Variants in TEX36 observed in about 807,000 individuals in gnomAD.
The protein encoded by TEX36 is testis-expressed protein 36.
TEX36 carries 12 observed loss-of-function variants against 13.6 expected under a neutral mutation model. The ratio of observed to expected loss-of-function variants is 0.88; its 90% CI spans 0.56 to 1.43. The LOEUF is 1.43. Ranked by LOEUF, TEX36 falls within the 40% of genes most tolerant of loss-of-function variation. TEX36 has a pLI of 0.00. For missense variants in TEX36, 224 were observed against 228.3 expected (o/e 0.98, Z 0.12); for synonymous variants, 93 against 83.0 (o/e 1.12, Z -0.65).
downstream of TEX36, among the ~76,000 whole-genome samples, chr10:125,655,137 T>C (rs989179079): frequency 1.3e-5 from 2 of 152,198 alleles, no homozygotes; most frequent in Non-Finnish European, 2.9e-5. Context: ...AGACACATTA[T>C]TAAGTATCAA....
chr10:125,655,295 A>C (rs1251380163), downstream of TEX36, among the ~76,000 whole-genome samples: 1 of 152,124 alleles, frequency 6.6e-6, no homozygotes, highest in Non-Finnish European at 1.5e-5. Context: ...AAATACAAAA[A>C]TTAGCCCAGC....
chr10:125,644,624 G>A (rs1350583082), intron 3 of TEX36, among the ~76,000 whole-genome samples: 1 of 152,124 alleles, frequency 6.6e-6, no homozygotes, highest in East Asian at 1.9e-4. Flanking sequence ...CAATTTCCTG[G>A]TTATGATATT....
intron 3 of TEX36, among the ~76,000 whole-genome samples, chr10:125,597,770 C>T (rs1846099016): frequency 6.6e-6 from 1 of 152,114 alleles, no homozygotes; most frequent in Admixed American, 6.5e-5. Context: ...CCTTAGTTCC[C>T]CCTTATCTAG....
At chr10:125,602,145 C>T (rs937871099) in intron 3 of TEX36, among the ~76,000 whole-genome samples, 3 of 152,126 alleles carry the variant, frequency 2.0e-5, no homozygotes, top group African/African-American at 7.2e-5. Context: ...AAAGAAGGGG[C>T]AAGAGTATCC....
At chr10:125,626,121 G>A (rs1846486701) in intron 3 of TEX36, among the ~76,000 whole-genome samples, 1 of 152,196 alleles carries the variant, frequency 6.6e-6, no homozygotes, top group South Asian at 2.1e-4. Flanking sequence ...TTCTAGCTCA[G>A]AGCACCCCTG....
At chr10:125,603,010 G>A (rs573456642) in intron 3 of TEX36, among the ~76,000 whole-genome samples, 36 of 152,238 alleles carry the variant, frequency 2.4e-4, no homozygotes, top group African/African-American at 4.8e-4. Context: ...GCTGGACCCC[G>A]CCCACGGGCC....
intron 2 of TEX36, among the ~76,000 whole-genome samples, chr10:125,661,517 C>A (rs756545083): frequency 6.6e-6 from 1 of 152,062 alleles, no homozygotes; most frequent in Non-Finnish European, 1.5e-5. Flanking sequence ...TGAAATGGAC[C>A]CTGGCTTCTC....
intron 1 of TEX36, among the ~76,000 whole-genome samples, chr10:125,662,477 G>A (rs1847060626): frequency 1.3e-5 from 2 of 152,124 alleles, no homozygotes; most frequent in South Asian, 4.1e-4. Flanking sequence ...GGATGGTAGA[G>A]GGGAGGTAAC....
downstream of TEX36, among the ~76,000 whole-genome samples, chr10:125,621,111 A>G (rs12259714): frequency 1.1e-3 from 162 of 152,328 alleles, no homozygotes; most frequent in African/African-American, 3.6e-3. Flanking sequence ...GTATCCCCAA[A>G]TACCTGCAAG....
chr10:125,645,221 T>C (rs1004564706), intron 3 of TEX36, among the ~76,000 whole-genome samples: 1 of 152,210 alleles, frequency 6.6e-6, no homozygotes, highest in Admixed American at 6.5e-5. Context: ...CACAGTACTA[T>C]AGTTTTAATA....
chr10:125,675,668 G>A (rs1006720271), intron 1 of TEX36, among the ~76,000 whole-genome samples: 10 of 152,144 alleles, frequency 6.6e-5, no homozygotes, highest in Non-Finnish European at 1.5e-4. Context: ...TCCCAGGTGG[G>A]CAGACACACC....
chr10:125,615,511 A>C (rs2133555073), intron 3 of TEX36, among the ~76,000 whole-genome samples: 1 of 152,206 alleles, frequency 6.6e-6, no homozygotes, highest in South Asian at 2.1e-4. Context: ...GAATTTTATC[A>C]AAGGCCTTTT....
At chr10:125,631,349 T>C (rs1565178953) in intron 3 of TEX36, among the ~76,000 whole-genome samples, 3 of 152,238 alleles carry the variant, frequency 2.0e-5, no homozygotes, top group Non-Finnish European at 4.4e-5. Flanking sequence ...TCACTAATCA[T>C]GAGCTATTTC....
chr10:125,672,137 C>A (rs1035296727), intron 1 of TEX36, among the ~76,000 whole-genome samples: 1 of 151,798 alleles, frequency 6.6e-6, no homozygotes, highest in Non-Finnish European at 1.5e-5. Context: ...CCTTCAGTTT[C>A]GCTCTGATCT....
At chr10:125,648,452 G>A (rs958752465) in intron 3 of TEX36, among the ~76,000 whole-genome samples, 1 of 152,198 alleles carries the variant, frequency 6.6e-6, no homozygotes, top group Non-Finnish European at 1.5e-5. Context: ...CTGACTGTTA[G>A]AAGGAAAACT....
At chr10:125,659,290 C>A (rs1442106019) in intron 3 of TEX36, among the ~76,000 whole-genome samples, 2 of 152,080 alleles carry the variant, frequency 1.3e-5, no homozygotes, top group South Asian at 2.1e-4. Flanking sequence ...ACTATCATAA[C>A]CTTGGCAAAA....
At chr10:125,651,751 T>C (rs1214980483), downstream of TEX36, among the ~76,000 whole-genome samples, 2 of 152,152 alleles carry the variant, frequency 1.3e-5, no homozygotes, top group Non-Finnish European at 2.9e-5. Context: ...GAAAACCCCA[T>C]CATCTCAGCC....
chr10:125,615,465 C>T (rs968509032), intron 3 of TEX36, among the ~76,000 whole-genome samples: 3 of 151,984 alleles, frequency 2.0e-5, no homozygotes, highest in Admixed American at 1.3e-4. Context: ...CCATCAATAC[C>T]TAATTTATTG....
intron 1 of TEX36, among the ~76,000 whole-genome samples, chr10:125,682,527 C>T (rs1052086897): frequency 3.3e-5 from 5 of 152,174 alleles, no homozygotes; most frequent in Non-Finnish European, 7.3e-5. Context: ...GCTCCAGATC[C>T]TGTTCTAGGC....
Sources: gnomAD v4.1 joint callset for allele counts (sites outside exome capture counted in the v4.1 genomes callset) on GRCh38, gnomAD v4.1.1 for gene constraint, MANE v1.5 for transcripts, NCBI Gene and HGNC (gene_info 2026-07-23, HGNC 2026-07-21) for gene names.